Variants in PREX2 observed in about 807,000 individuals in gnomAD.
The protein encoded by PREX2 is phosphatidylinositol-3,4,5-trisphosphate dependent Rac exchange factor 2.
PREX2 carries 107 observed loss-of-function variants against 203.2 expected under a neutral mutation model. The observed-to-expected ratio is 0.53, with a 90% confidence interval of 0.45 to 0.62. PREX2 has a LOEUF of 0.62. PREX2 is among the 20% of genes least tolerant of loss of function. The pLI, the probability that PREX2 is intolerant of heterozygous loss-of-function variation, is 0.00. For missense variants in PREX2, 1,777 were observed against 1,955.9 expected (o/e 0.91, Z 1.72); for synonymous variants, 672 against 663.6 (o/e 1.01, Z -0.19).
At chr8:68,103,955 G>A (rs562805177) in intron 23 of PREX2, among the ~76,000 whole-genome samples, 1 of 152,122 alleles carries the variant, frequency 6.6e-6, no homozygotes, top group Admixed American at 6.5e-5. Context: ...TCTGCAACTG[G>A]GTTTAATCCA....
chr8:68,201,174 T>C (rs1162663047), intron 37 of PREX2, among the ~76,000 whole-genome samples: 2 of 151,780 alleles, frequency 1.3e-5, no homozygotes, highest in Non-Finnish European at 2.9e-5. Flanking sequence ...TGGTTAGGGG[T>C]TTTTTAACTA....
chr8:68,109,743 A>ACTTTCTATATTAATTTG, intron 25 of PREX2, 120 bp downstream of exon 25: 1 of 771,958 alleles, frequency 1.3e-6, no homozygotes. Context: ...TGTGCTGATT[A>ACTTTCTATATTAATTTG]TATAGATCCT....
At chr8:68,159,875 T>C (rs1003304895) in intron 35 of PREX2, among the ~76,000 whole-genome samples, 14 of 152,242 alleles carry the variant, frequency 9.2e-5, no homozygotes, top group African/African-American at 3.4e-4. Flanking sequence ...TTTGGAGAAA[T>C]GTGATACAGA....
chr8:68,204,854 TG>T (rs1812583631), intron 37 of PREX2, among the ~76,000 whole-genome samples: 1 of 151,694 alleles, frequency 6.6e-6, no homozygotes, highest in African/African-American at 2.4e-5. Flanking sequence ...GCTAATTTTT[TG>T]TATTTTTAGT....
intron 1 of PREX2, among the ~76,000 whole-genome samples, chr8:67,985,671 C>A (rs1159387020): frequency 6.6e-6 from 1 of 152,150 alleles, no homozygotes; most frequent in Non-Finnish European, 1.5e-5. Context: ...GGCAGAGACT[C>A]CCCAGGAGGG....
intron 8 of PREX2, among the ~76,000 whole-genome samples, chr8:68,050,467 A>G (rs990273079): frequency 3.9e-5 from 6 of 152,182 alleles, no homozygotes; most frequent in Non-Finnish European, 5.9e-5. Flanking sequence ...TCTCACGATA[A>G]CTCACTCACT....
intron 22 of PREX2, 113 bp from the exon 23 acceptor site, chr8:68,099,569 A>G: frequency 9.6e-7 from 1 of 1,038,376 alleles, no homozygotes; most frequent in East Asian, 2.5e-5. Context: ...ACTTAATGAA[A>G]ATTTGATATG....
intron 37 of PREX2, among the ~76,000 whole-genome samples, chr8:68,209,322 A>G (rs943960937): frequency 3.9e-5 from 6 of 152,314 alleles, no homozygotes; most frequent in Admixed American, 1.3e-4. Context: ...CTTGTTTGCT[A>G]TAGTCATTTG....
At chr8:68,059,154 AAAAAG>A (rs1450806631) in intron 10 of PREX2, among the ~76,000 whole-genome samples, 2 of 152,254 alleles carry the variant, frequency 1.3e-5, no homozygotes, top group Non-Finnish European at 2.9e-5. Flanking sequence ...CTCTAGCCAA[AAAAAG>A]AAAACTAGTC....
At chr8:68,077,579 A>ACCCAGACAGTCTTG in intron 15 of PREX2, 110 bp downstream of exon 15, 1 of 823,304 alleles carries the variant, frequency 1.2e-6, no homozygotes, top group Non-Finnish European at 2.1e-6. Context: ...AGCCAGCAAG[A>ACCCAGACAGTCTTG]CTGTCTGGGT....
At chr8:68,130,343 G>C (rs1435890487) in intron 31 of PREX2, among the ~76,000 whole-genome samples, 1 of 151,818 alleles carries the variant, frequency 6.6e-6, no homozygotes, top group East Asian at 1.9e-4. Context: ...AAATACCTTT[G>C]GTAAAGGATG....
At chr8:68,205,976 T>G (rs1294232661) in intron 37 of PREX2, among the ~76,000 whole-genome samples, 1 of 152,216 alleles carries the variant, frequency 6.6e-6, no homozygotes, top group Non-Finnish European at 1.5e-5. Context: ...TTGGACCGCC[T>G]GAATTGATGT....
chr8:68,030,558 A>T lies in PREX2; in HGVS notation c.605A>T (p.Gln202Leu). ...TATGCAGCAGTGATGGAAGCCCTCC[A>T]AGCCATGAAAGCTGTCTGTTCCAAC... ...SDYAAVMEAL[Q>L]AMKAVCSNIN... The change falls in exon 6 of 40, where the codon CAA becomes CTA. Residue 202 changes from glutamine to leucine, a missense_variant. Coordinates refer to ENST00000288368, the MANE Select transcript of PREX2 (RefSeq NM_024870.4). 6.2e-7 allele frequency: 1 copy of T among 1,613,716 alleles called. No homozygotes were observed. Among genetic ancestry groups the T allele is most frequent in the Non-Finnish European group, 8.5e-7 (1 of 1,179,716 alleles).
chr8:68,220,452 C>T (rs1254133775), intron 38 of PREX2: 3 of 152,148 alleles, frequency 2.0e-5, no homozygotes, highest in African/African-American at 7.2e-5. Flanking sequence ...GTCTTCTCAA[C>T]CTTTTTAATA....
At chr8:68,107,671 G>A (rs1230518743) in intron 23 of PREX2, among the ~76,000 whole-genome samples, 1 of 152,092 alleles carries the variant, frequency 6.6e-6, no homozygotes, top group Non-Finnish European at 1.5e-5. Flanking sequence ...TTGTGTTTGG[G>A]ACATCCCATC....
At chr8:68,075,720 T>C (rs1809329817) in intron 14 of PREX2, among the ~76,000 whole-genome samples, 3 of 152,190 alleles carry the variant, frequency 2.0e-5, no homozygotes, top group Non-Finnish European at 4.4e-5. Context: ...TAAGTATCTT[T>C]TGAATGAATG....
intron 15 of PREX2, among the ~76,000 whole-genome samples, chr8:68,077,875 T>G (rs577911688): frequency 6.6e-6 from 1 of 152,206 alleles, no homozygotes; most frequent in Non-Finnish European, 1.5e-5. Context: ...GGTTGACTAC[T>G]GTTATTTTTA....
intron 7 of PREX2, among the ~76,000 whole-genome samples, chr8:68,040,046 A>T (rs1808148929): frequency 6.6e-6 from 1 of 152,118 alleles, no homozygotes; most frequent in South Asian, 2.1e-4. Context: ...TTGTTTTGAG[A>T]CAGGGTCTTG....
chr8:68,022,200 C>G (rs1019373926), intron 4 of PREX2, 60 bp downstream of exon 4: 1 of 833,974 alleles, frequency 1.2e-6, no homozygotes, highest in Non-Finnish European at 2.1e-6. Context: ...CAGTGAGAGC[C>G]AAGGAATAGC....
Sources: allele counts gnomAD v4.1 joint callset (sites outside exome capture counted in the v4.1 genomes callset), GRCh38; gene constraint gnomAD v4.1.1; transcripts MANE v1.5; gene names NCBI Gene and HGNC (gene_info 2026-07-23, HGNC 2026-07-21).